CAMTA1: variants seen among roughly 807,000 people sequenced by gnomAD.
The protein encoded by CAMTA1 is calmodulin binding transcription activator 1.
CAMTA1 carries 27 observed loss-of-function variants against 170.9 expected under a neutral mutation model. The ratio of observed to expected loss-of-function variants is 0.16; its 90% CI spans 0.12 to 0.22. The LOEUF (loss-of-function observed/expected upper bound fraction) is 0.22, where lower values mean the gene tolerates loss of function less well. Among genes scored for constraint, CAMTA1 ranks in the 10% least tolerant of loss-of-function variants. The probability of loss-of-function intolerance (pLI) is 1.00; values close to 1 mark genes in which losing one functional copy is unlikely to be tolerated. For synonymous variants in CAMTA1, 833 were observed against 891.5 expected (o/e 0.93, Z 1.17); for missense variants, 1,619 against 2,217.2 (o/e 0.73, Z 5.42).
rs1576266195 is a variant in CAMTA1, at chr1:7,589,383, T to C, written c.511-51017T>C. The stretch of plus-strand genomic sequence containing the variant: ...TTGTTCAGGTGTTGAGGAGCAGATG[T>C]CCTCAAGTCAATTTTCCTGTGACAT... On this transcript the variant is annotated intron_variant, in intron 6 of 22. Transcript: ENST00000303635. 2.6e-5 allele frequency among the ~76,000 whole-genome samples: 4 copies of C among 152,324 alleles called. No homozygotes were observed. The South Asian group carries it at 8.3e-4, about 32-fold the overall frequency.
chr1:7,085,455 GACAC>G (rs1640614693), intron 3 of CAMTA1, among the ~76,000 whole-genome samples: 1 of 152,238 alleles, frequency 6.6e-6, no homozygotes, highest in Non-Finnish European at 1.5e-5. Context: ...GACGGACTGA[GACAC>G]ACACCCTCCC....
intron 5 of CAMTA1, among the ~76,000 whole-genome samples, chr1:7,430,494 T>G (rs2796490): frequency 2.6e-5 from 4 of 151,676 alleles, no homozygotes; most frequent in African/African-American, 9.7e-5. Flanking sequence ...GATGGTGATT[T>G]TGGTGGTGGT....
At position 7,221,119 on chromosome 1, in the gene CAMTA1, G is replaced by A. The variant is rs1008773843; in HGVS notation, c.303-28372G>A. On this transcript the variant is annotated intron_variant, in intron 4 of 22. Transcript: ENST00000303635. ...TTTCTCAGAACCCATCCCCTGGAAC[G>A]CTGGAGGCAGTGCAGGAAGGGCCGG... Among the ~76,000 whole-genome samples, 3 of 152,350 alleles carry A rather than the reference G, an allele frequency of 2.0e-5. No homozygotes were observed. In the East Asian group the frequency reaches 5.8e-4, roughly 29 times the overall value.
At chr1:7,315,993 G>A (rs931734882) in intron 5 of CAMTA1, among the ~76,000 whole-genome samples, 11 of 152,304 alleles carry the variant, frequency 7.2e-5, no homozygotes, top group African/African-American at 1.7e-4. Context: ...CAATCATGGC[G>A]GAAGGCTAAG....
At chr1:7,179,341 T>C (rs1025887710) in intron 4 of CAMTA1, among the ~76,000 whole-genome samples, 1 of 152,128 alleles carries the variant, frequency 6.6e-6, no homozygotes, top group African/African-American at 2.4e-5. Flanking sequence ...CATACCACAT[T>C]CAGCACAAGG....
chr1:6,884,547 T>G (rs1229564490), intron 3 of CAMTA1, among the ~76,000 whole-genome samples: 1 of 152,176 alleles, frequency 6.6e-6, no homozygotes, highest in African/African-American at 2.4e-5. Flanking sequence ...GATGCCCCAA[T>G]TCTGTACCTT....
At chr1:7,018,228 G>A (rs571148760) in intron 3 of CAMTA1, among the ~76,000 whole-genome samples, 3 of 148,310 alleles carry the variant, frequency 2.0e-5, no homozygotes, top group Admixed American at 7.2e-5. Flanking sequence ...CTCCTCTCTC[G>A]ACTCCTGGGT....
At chr1:7,655,105 T>TACACACACAC (rs1558063970) in intron 7 of CAMTA1, among the ~76,000 whole-genome samples, 1 of 16,150 alleles carries the variant, frequency 6.2e-5, no homozygotes, top group African/African-American at 8.6e-5. Flanking sequence ...CACACACCTA[T>TACACACACAC]ACACACACCT....
intron 11 of CAMTA1, among the ~76,000 whole-genome samples, chr1:7,689,527 T>G (rs986813123): frequency 6.6e-6 from 1 of 151,850 alleles, no homozygotes; most frequent in Admixed American, 6.6e-5. Context: ...TGCAGTGAGC[T>G]GAGATTGTGC....
At chr1:6,995,148 T>C (rs1315797645) in intron 3 of CAMTA1, among the ~76,000 whole-genome samples, 1 of 152,124 alleles carries the variant, frequency 6.6e-6, no homozygotes, top group Non-Finnish European at 1.5e-5. Context: ...GGCTTGTTCA[T>C]GTTTTTCAAA....
chr1:7,405,359 T>A (rs2090212022), intron 5 of CAMTA1, among the ~76,000 whole-genome samples: 1 of 152,104 alleles, frequency 6.6e-6, no homozygotes, highest in South Asian at 2.1e-4. Flanking sequence ...TTTTCTTTTT[T>A]TTTGGTTTGT....
At chr1:7,156,458 T>C (rs1433062179) in intron 4 of CAMTA1, among the ~76,000 whole-genome samples, 2 of 152,120 alleles carry the variant, frequency 1.3e-5, no homozygotes, top group Non-Finnish European at 2.9e-5. Context: ...AGAGAGGGCT[T>C]CTCATCAGGG....
chr1:7,053,947 A>T (rs6577411), intron 3 of CAMTA1, among the ~76,000 whole-genome samples: 3 of 152,046 alleles, frequency 2.0e-5, no homozygotes, highest in Non-Finnish European at 4.4e-5. Flanking sequence ...AGCCTTACCC[A>T]TCCTGGCCTG....
At chr1:7,013,209 C>CT (rs969077771) in intron 3 of CAMTA1, among the ~76,000 whole-genome samples, 856 of 84,150 alleles carry the variant, frequency 0.01, 50 homozygotes, top group East Asian at 0.019. Flanking sequence ...TGCCCTTCTT[C>CT]TTTTTTTTTT....
chr1:7,415,890 G>A (rs1302670605), intron 5 of CAMTA1, among the ~76,000 whole-genome samples: 2 of 152,156 alleles, frequency 1.3e-5, no homozygotes, highest in Non-Finnish European at 2.9e-5. Flanking sequence ...TTTTGCAGTG[G>A]CTGGTACTGG....
chr1:7,047,148 A>G (rs1342682287), intron 3 of CAMTA1, among the ~76,000 whole-genome samples: 1 of 152,200 alleles, frequency 6.6e-6, no homozygotes, highest in African/African-American at 2.4e-5. Context: ...CTGAGTGACT[A>G]CATGGAGTGG....
intron 4 of CAMTA1, among the ~76,000 whole-genome samples, chr1:7,192,852 G>T (rs1435994164): frequency 6.6e-6 from 1 of 152,210 alleles, no homozygotes; most frequent in East Asian, 1.9e-4. Flanking sequence ...AGGAAAGAAG[G>T]AGAACTGGAG....
At chr1:7,756,875 A>C (rs956606445) in intron 22 of CAMTA1, among the ~76,000 whole-genome samples, 1 of 152,014 alleles carries the variant, frequency 6.6e-6, no homozygotes, top group East Asian at 1.9e-4. Flanking sequence ...ACAAAACAAA[A>C]AACGCCAGGA....
intron 2 of CAMTA1, among the ~76,000 whole-genome samples, chr1:6,824,867 G>A (rs1646932356): frequency 6.6e-6 from 1 of 152,032 alleles, no homozygotes; most frequent in South Asian, 2.1e-4. Context: ...CACATGTCAG[G>A]GAGCACAAGC....
Sources: gnomAD v4.1 joint callset for allele counts (sites outside exome capture counted in the v4.1 genomes callset) on GRCh38, gnomAD v4.1.1 for gene constraint, MANE v1.5 for transcripts, NCBI Gene and HGNC (gene_info 2026-07-23, HGNC 2026-07-21) for gene names.